Variants in ARHGAP32 observed in about 807,000 individuals in gnomAD.
ARHGAP32 encodes the protein rho GTPase-activating protein 32.
Under a neutral mutation model 186.5 loss-of-function variants are expected in ARHGAP32, and 51 were observed. The observed-to-expected ratio is 0.27, with a 90% CI of 0.22 to 0.35. The LOEUF is 0.35. ARHGAP32 is among the 10% of genes least tolerant of loss of function. The probability of loss-of-function intolerance (pLI) is 1.00; values close to 1 mark genes in which losing one functional copy is unlikely to be tolerated. For missense variants in ARHGAP32, 2,186 were observed against 2,623.5 expected, an observed-to-expected ratio of 0.83 and a Z score of 3.64; for synonymous variants, 950 against 964.3, an observed-to-expected ratio of 0.99 and a Z score of 0.27.
chr11:129,173,311 G>A (rs545484247), intron 1 of ARHGAP32, among the ~76,000 whole-genome samples: 1 of 149,216 alleles, frequency 6.7e-6, no homozygotes, highest in South Asian at 2.2e-4. Context: ...AATTGAGGCA[G>A]TAATTAATAG....
At chr11:129,191,350 C>G (rs960849440) in intron 1 of ARHGAP32, among the ~76,000 whole-genome samples, 2 of 122,378 alleles carry the variant, frequency 1.6e-5, no homozygotes, top group Admixed American at 1.7e-4. Flanking sequence ...CAGAATAAAG[C>G]CCCCTAAAAT....
intron 5 of ARHGAP32, among the ~76,000 whole-genome samples, chr11:129,112,030 G>A (rs1007569445): frequency 6.6e-6 from 1 of 152,114 alleles, no homozygotes; most frequent in Non-Finnish European, 1.5e-5. Context: ...CCCACCTGAG[G>A]TCAGGAGTTC....
chr11:128,981,393 A>T, intron 17 of ARHGAP32, 23 bp downstream of exon 17: 2 of 1,560,058 alleles, frequency 1.3e-6, no homozygotes, highest in South Asian at 2.4e-5. Context: ...CCCTCCTGGT[A>T]GGAAGGGCCA....
intron 11 of ARHGAP32, among the ~76,000 whole-genome samples, chr11:129,000,867 A>G (rs1025523542): frequency 6.6e-6 from 1 of 152,134 alleles, no homozygotes; most frequent in Non-Finnish European, 1.5e-5. Context: ...CAAATAAGTG[A>G]GAATGTACAA....
At chr11:129,251,477 T>C (rs1384050183) in intron 1 of ARHGAP32, among the ~76,000 whole-genome samples, 1 of 152,196 alleles carries the variant, frequency 6.6e-6, no homozygotes, top group Non-Finnish European at 1.5e-5. Flanking sequence ...TCTAAGTTGC[T>C]TAAGCTCAAT....
chr11:129,063,983 T>C lies in ARHGAP32; in HGVS notation c.804A>G (p.Ser268=). 2 of 1,612,346 alleles carry C rather than the reference T, an allele frequency of 1.2e-6. No homozygotes were observed. The highest frequency in any genetic ancestry group is 1.1e-5 in the South Asian group (1 of 90,930). ...CACCGACAGCAGGAGTGTTGATGGA[T>C]GACTCCTCATGAACCAAAAGGTGAT... The part of the protein sequence containing the change: ...KGNHLLVHEE[S]SINTPAVGAA... The change falls in exon 9 of 23, where the codon TCA becomes TCG. Residue 268 remains serine (S), a synonymous_variant. Transcript: ENST00000682385.
intron 5 of ARHGAP32, among the ~76,000 whole-genome samples, chr11:129,098,983 TAAGA>T (rs891865805): frequency 2.0e-4 from 31 of 151,540 alleles, no homozygotes; most frequent in African/African-American, 6.5e-4. Context: ...CAAAAGAAAA[TAAGA>T]AAGAAATTTA....
intron 2 of ARHGAP32, among the ~76,000 whole-genome samples, chr11:129,159,206 CA>C (rs1943477446): frequency 2.0e-5 from 3 of 151,398 alleles, no homozygotes; most frequent in African/African-American, 7.3e-5. Flanking sequence ...AACTAAGGAG[CA>C]GAACTGAAGG....
At chr11:129,221,045 C>T (rs1944704341) in intron 1 of ARHGAP32, among the ~76,000 whole-genome samples, 1 of 151,592 alleles carries the variant, frequency 6.6e-6, no homozygotes, top group South Asian at 2.1e-4. Context: ...TCAAATACAG[C>T]TCAGAAGATG....
At chr11:129,248,539 C>A (rs1049016860) in intron 1 of ARHGAP32, among the ~76,000 whole-genome samples, 2 of 152,176 alleles carry the variant, frequency 1.3e-5, no homozygotes, top group Non-Finnish European at 2.9e-5. Context: ...TCACCCCAGC[C>A]TCCTTTTACT....
intron 1 of ARHGAP32, among the ~76,000 whole-genome samples, chr11:129,267,205 T>C (rs571766877): frequency 7.8e-4 from 119 of 152,134 alleles, no homozygotes; most frequent in African/African-American, 2.7e-3. Flanking sequence ...CTAACAAAAA[T>C]GTAAAAATTA....
Position 129,192,262 on chromosome 11 carries a change from G to T in ARHGAP32, c.-64C>A. On this transcript the variant is annotated 5_prime_UTR_variant, in exon 1 of 23. The change creates a new upstream start codon in the 5' untranslated region. Transcript: ENST00000682385. ...ATGGAATAAAAAGCACCAACATTCA[G>T]GTTGTTCAGCTCTACTCATGTATAC... The T allele has an allele frequency of 8.5e-7, 1 of 1,179,126 alleles. No individual in the cohort carries two copies. 73.0% of individuals were successfully genotyped at this position (1,179,126 alleles called of 1,614,324 possible).
chr11:129,217,635 T>C (rs545039282), intron 1 of ARHGAP32, among the ~76,000 whole-genome samples: 36 of 152,242 alleles, frequency 2.4e-4, no homozygotes, highest in Non-Finnish European at 4.6e-4. Context: ...TCTAGAAAAA[T>C]ATACTCAAAG....
chr11:129,042,626 C>T (rs1373783107), intron 10 of ARHGAP32, among the ~76,000 whole-genome samples: 2 of 152,104 alleles, frequency 1.3e-5, no homozygotes, highest in East Asian at 1.9e-4. Flanking sequence ...AAGTGTTCCA[C>T]CCTCCATAAA....
chr11:129,017,783 G>C (rs935971703), intron 11 of ARHGAP32, among the ~76,000 whole-genome samples: 1 of 152,010 alleles, frequency 6.6e-6, no homozygotes, highest in Non-Finnish European at 1.5e-5. Context: ...ACTTTAAATA[G>C]ATTATTTCTT....
chr11:129,173,565 C>T lies in ARHGAP32; in HGVS notation c.117-9138G>A, dbSNP rs1203574900. Reference sequence around the variant, plus strand: ...CTCTGATGAACATCGATGCAAAAATCCTCAATAAAATACTGGAAAATTGAA... The same window carrying T: ...CTCTGATGAACATCGATGCAAAAATTCTCAATAAAATACTGGAAAATTGAA... On this transcript the variant is annotated intron_variant, in intron 1 of 22. Coordinates refer to ENST00000682385, the MANE Select transcript of ARHGAP32 (RefSeq NM_001378024.1). Among the ~76,000 whole-genome samples, 4 of 152,226 alleles carry T rather than the reference C, an allele frequency of 2.6e-5. No homozygotes were observed. In the East Asian group the frequency reaches 7.7e-4, roughly 29 times the overall value.
rs1023432661 is a variant in ARHGAP32 at position 129,124,493 on chromosome 11, A to G, written c.317+310T>C. On this transcript the variant is annotated intron_variant, in intron 3 of 22. Coordinates refer to ENST00000682385, the MANE Select transcript of ARHGAP32 (RefSeq NM_001378024.1). Reference sequence around the variant, plus strand: ...TCTCATAACTCAAACAATAAAGCTGATATTTCTGAATGAATGAGAGCATGC... The same window carrying G: ...TCTCATAACTCAAACAATAAAGCTGGTATTTCTGAATGAATGAGAGCATGC... Among the ~76,000 whole-genome samples, 4 of 152,284 alleles carry G rather than the reference A, an allele frequency of 2.6e-5. No homozygotes were observed. The South Asian group carries it at 8.3e-4, about 32-fold the overall frequency.
chr11:129,109,714 G>A (rs1591622943), intron 5 of ARHGAP32, among the ~76,000 whole-genome samples: 1 of 151,872 alleles, frequency 6.6e-6, no homozygotes, highest in East Asian at 1.9e-4. Context: ...TTGGCCATTT[G>A]TATATCTTCT....
chr11:129,046,853 G>A (rs532462380), intron 10 of ARHGAP32, among the ~76,000 whole-genome samples: 11 of 152,202 alleles, frequency 7.2e-5, no homozygotes, highest in East Asian at 3.9e-4. Context: ...GGCCGGGCGC[G>A]GTGGCTCACG....
Sources: gnomAD v4.1 joint callset for allele counts (sites outside exome capture counted in the v4.1 genomes callset) on GRCh38, gnomAD v4.1.1 for gene constraint, MANE v1.5 for transcripts, NCBI Gene and HGNC (gene_info 2026-07-23, HGNC 2026-07-21) for gene names.